GPR151: variants seen among roughly 807,000 people sequenced by gnomAD.
The protein encoded by GPR151 is G-protein coupled receptor PGR7.
A neutral mutation model predicts 18.2 loss-of-function variants in GPR151; 16 were observed. The ratio of observed to expected loss-of-function variants is 0.88; its 90% CI spans 0.60 to 1.34. The LOEUF is 1.34. Among genes scored for constraint, GPR151 ranks in the 40% most tolerant of loss-of-function variants. The pLI is 0.00. For missense variants in GPR151, 509 were observed against 504.3 expected, an observed-to-expected ratio of 1.01 and a Z score of -0.09; for synonymous variants, 202 against 191.2, an observed-to-expected ratio of 1.06 and a Z score of -0.47.
At position 146,515,893 on chromosome 5, in the gene GPR151, T is replaced by G. The variant is rs200056488; in HGVS notation, c.221A>C (p.His74Pro). The G allele has an allele frequency of 8.6e-4, 1,382 of 1,612,904 alleles. 31 individuals carry two copies. In the South Asian group the frequency reaches 0.014, roughly 17 times the overall value. ...NAWKGKPSMI[H>P]SLILNLSLAD... is the part of the protein sequence containing the mutation. ...CAGGCTGAGATTCAGAATCAGGGAG[T>G]GGATCATGGATGGCTTTCCTTTCCA... Residue 74 changes from histidine to proline, a missense_variant, in exon 1 of 1, where the codon CAC becomes CCC. By Grantham distance (77) the His-to-Pro change is moderately conservative. Transcript: ENST00000311104.
rs750868177 is a variant in GPR151, at chr5:146,515,016, G to A, written c.1098C>T (p.Ser366=). 8.2e-5 allele frequency: 132 copies of A among 1,614,078 alleles called. No individual in the cohort carries two copies. The highest frequency in any genetic ancestry group is 4.5e-5 in the East Asian group (2 of 44,896). The change falls in exon 1 of 1, where the codon AGC becomes AGT. Residue 366 remains serine, a synonymous_variant. Coordinates refer to ENST00000311104, the MANE Select transcript of GPR151 (RefSeq NM_194251.3). ...PASIPEKEKP[S]SPSSGKGKTE... ...TTTTCCCTTTGCCAGAGGAGGGAGA[G>A]CTGGGTTTCTCTTTTTCTGGTATGG...
Position 146,513,888 on chromosome 5 carries a change from G to C in GPR151, c.*966C>G, listed in dbSNP as rs542241646. The stretch of plus-strand genomic sequence containing the variant: ...TTCAAGTTCAATGTTCTGAGTAAGG[G>C]TAAGTTTAGTACCATTAACAAGAAA... On this transcript the variant is annotated 3_prime_UTR_variant, in exon 1 of 1. Transcript: ENST00000311104. The C allele has an allele frequency of 2.6e-5, 4 of 152,236 alleles. No homozygotes were observed. The highest frequency in any genetic ancestry group is 2.6e-4 in the Admixed American group (4 of 15,294). The allele number at this position is 152,236 out of a possible 1,614,324, so 9.4% of individuals were successfully genotyped here.
In GPR151 at chr5:146,515,549, C is replaced by T. The variant is rs183701313; in HGVS notation, c.565G>A (p.Val189Met). 2.5e-5 allele frequency: 40 copies of T among 1,614,186 alleles called. No homozygotes were observed. The highest frequency in any genetic ancestry group is 1.0e-4 in the Admixed American group (6 of 60,028). The change falls in exon 1 of 1, where the codon GTG (valine) becomes ATG (methionine). Residue 189 changes from valine to methionine, a missense_variant. Val to Met is a conservative substitution (Grantham distance 21, BLOSUM62 1). Coordinates refer to ENST00000311104, the MANE Select transcript of GPR151 (RefSeq NM_194251.3). ...RHHEGVEMCL[V>M]DVPAVAEEFM... ...TCTTCAGCCACAGCTGGTACATCCA[C>T]GAGGCACATTTCCACACCTTCATGA...
chr5:146,515,436 A>T lies in GPR151; in HGVS notation c.678T>A (p.Tyr226Ter), dbSNP rs1238255982. The change falls in exon 1 of 1, where the codon TAT (tyrosine) becomes TAA (stop). Residue 226 changes from tyrosine (Y) to a stop codon, truncating the protein, a stop_gained. Transcript: ENST00000311104. LOFTEE classifies it high-confidence loss of function. ...TAGTTCCTCGTTTTTTACATTGGTC[A>T]TAAGCTCTCCAGAAATAAAAGCTGG... The part of the protein sequence containing the change: ...FFASFYFWRA[Y>*]DQCKKRGTKT... 4.3e-6 allele frequency: 7 copies of T among 1,614,058 alleles called. No homozygotes were observed. The highest frequency in any genetic ancestry group is 1.7e-5 in the Admixed American group (1 of 60,000).
chr5:146,515,626 G>C lies in GPR151; in HGVS notation c.488C>G (p.Thr163Ser). The change falls in exon 1 of 1, where the codon ACT (threonine) becomes AGT (serine). Residue 163 changes from threonine (T) to serine (S), a missense_variant. Thr to Ser is a moderately conservative substitution (Grantham distance 58). Coordinates refer to ENST00000311104, the MANE Select transcript of GPR151 (RefSeq NM_194251.3). ...TIWSVLVAIWTVASLLPLPEW... is the reference protein window; with the variant it reads ...TIWSVLVAIWSVASLLPLPEW... ...CGGCAGGGGTAACAGGCTAGCCACA[G>C]TCCAGATGGCCACCAGCACTGACCA... is the stretch of plus-strand genomic sequence containing the variant. The C allele has an allele frequency of 6.2e-7, 1 of 1,614,200 alleles. No homozygotes were observed. The highest frequency in any genetic ancestry group is 8.5e-7 in the Non-Finnish European group (1 of 1,180,038).
At position 146,515,343 on chromosome 5, in the gene GPR151, G is replaced by A. The variant is rs1247908524; in HGVS notation, c.771C>T (p.Ile257=). The change falls in exon 1 of 1, where the codon ATC becomes ATT. Residue 257 remains isoleucine, a synonymous_variant. Coordinates refer to ENST00000311104, the MANE Select transcript of GPR151 (RefSeq NM_194251.3). ...QVTVMLLSIA[I]ISALLWLPEW... ...CGGGGAGCCACAAGAGAGCAGAGAT[G>A]ATGGCAATGCTCAGCAGCATCACTG... 4 of 1,614,212 alleles carry A rather than the reference G, an allele frequency of 2.5e-6. No homozygotes were observed. Among genetic ancestry groups the A allele is most frequent in the South Asian group, 2.2e-5 (2 of 91,088 alleles).
Position 146,516,076 on chromosome 5 carries a change from C to G in GPR151, c.38G>C (p.Ser13Thr). The change falls in exon 1 of 1, where the codon AGC becomes ACC. Residue 13 changes from serine to threonine, a missense_variant. Coordinates refer to ENST00000311104, the MANE Select transcript of GPR151 (RefSeq NM_194251.3). ...GAGGTGAGCAAAGGACACATTCATG[C>G]TGCTGGAGTTAGAGTCTGCAAAGGC... ...AAAFADSNSS[S>T]MNVSFAHLHF... The G allele has an allele frequency of 1.5e-5, 25 of 1,613,762 alleles. No homozygotes were observed. Among genetic ancestry groups the G allele is most frequent in the Non-Finnish European group, 2.0e-5 (24 of 1,179,904 alleles).
rs1315405289 is a variant in GPR151 at position 146,515,081 on chromosome 5, C to G, written c.1033G>C (p.Gly345Arg). 1.2e-6 allele frequency: 2 copies of G among 1,614,138 alleles called. No homozygotes were observed. The highest frequency in any genetic ancestry group is 1.7e-6 in the Non-Finnish European group (2 of 1,180,016). The part of the protein sequence containing the change: ...SQETPAGNSE[G>R]LPDKVPSPES... ...GGAGATGGAACCTTGTCAGGAAGACCCTCTGAGTTGCCAGCTGGTGTTTCC... is the reference window on the plus strand; with the variant it reads ...GGAGATGGAACCTTGTCAGGAAGACGCTCTGAGTTGCCAGCTGGTGTTTCC... The change falls in exon 1 of 1, where the codon GGT becomes CGT. Residue 345 changes from glycine to arginine, a missense_variant. Gly to Arg is a moderately radical substitution (Grantham distance 125). Transcript: ENST00000311104.
chr5:146,514,844 A>C lies in GPR151; in HGVS notation c.*10T>G. 1.3e-6 allele frequency: 2 copies of C among 1,547,920 alleles called. No individual in the cohort carries two copies. The highest frequency in any genetic ancestry group is 1.7e-6 in the Non-Finnish European group (2 of 1,146,276). Reference sequence around the variant, plus strand: ...AATAATCACAGTTTGTTTTGCTTTGAAACTTAAATCTATTTAACACCTTCC... The same window carrying C: ...AATAATCACAGTTTGTTTTGCTTTGCAACTTAAATCTATTTAACACCTTCC... On this transcript the variant is annotated 3_prime_UTR_variant, in exon 1 of 1. Transcript: ENST00000311104.
Position 146,514,930 on chromosome 5 carries a change from G to T in GPR151, c.1184C>A (p.Thr395Lys). Residue 395 changes from threonine (T) to lysine (K), a missense_variant, in exon 1 of 1, where the codon ACA becomes AAA. Coordinates refer to ENST00000311104, the MANE Select transcript of GPR151 (RefSeq NM_194251.3). ...GTCATTGTCCTGTACAGAAGGGACT[G>T]TGTCCCTCTCATGCCAAAACTGCTC... The part of the protein sequence containing the change: ...DVEQFWHERD[T>K]VPSVQDNDPI... 6.2e-7 allele frequency: 1 copy of T among 1,610,460 alleles called. No homozygotes were observed. Among genetic ancestry groups the T allele is most frequent in the Non-Finnish European group, 8.5e-7 (1 of 1,176,616 alleles).
rs147596778 is a variant in GPR151, at chr5:146,515,093, C to G, written c.1021G>C (p.Gly341Arg). The G allele has an allele frequency of 6.2e-7, 1 of 1,614,038 alleles. No individual in the cohort carries two copies. Among genetic ancestry groups the G allele is most frequent in the African/African-American group, 1.3e-5 (1 of 74,906 alleles). The change falls in exon 1 of 1, where the codon GGC becomes CGC. Residue 341 changes from glycine (G) to arginine (R), a missense_variant. Gly to Arg is a moderately radical substitution (Grantham distance 125). Transcript: ENST00000311104. ...TTGTCAGGAAGACCCTCTGAGTTGC[C>G]AGCTGGTGTTTCCTGAGACTCTGAG... Reference protein sequence around the residue: ...TVSESQETPAGNSEGLPDKVP... With the variant: ...TVSESQETPARNSEGLPDKVP...
rs1200128602 is a variant in GPR151 at position 146,513,318 on chromosome 5, A to G, written c.*1536T>C. The G allele has an allele frequency of 6.6e-6, 1 of 152,222 alleles. No homozygotes were observed. Among genetic ancestry groups the G allele is most frequent in the Non-Finnish European group, 1.5e-5 (1 of 68,036 alleles). 9.4% of individuals were successfully genotyped at this position (152,222 alleles called of 1,614,324 possible). ...TACTTTATTTGAATACATGAGCTTC[A>G]AATAAAATTTGTAATGAAGGATGTA... On this transcript the variant is annotated 3_prime_UTR_variant, in exon 1 of 1. Transcript: ENST00000311104.
chr5:146,515,137 G>T lies in GPR151; in HGVS notation c.977C>A (p.Thr326Asn), dbSNP rs1768583935. ...GLKGVWKWMI[T>N]KKPPTVSESQ... ...CTCTGAGACAGTTGGAGGTTTTTTG[G>T]TTATCATCCATTTCCATACACCTTT... Residue 326 changes from threonine to asparagine, a missense_variant, in exon 1 of 1, where the codon ACC becomes AAC. By Grantham distance (65) the Thr-to-Asn change is moderately conservative (BLOSUM62 0). Transcript: ENST00000311104. 6.2e-7 allele frequency: 1 copy of T among 1,614,018 alleles called. No homozygotes were observed. Among genetic ancestry groups the T allele is most frequent in the Non-Finnish European group, 8.5e-7 (1 of 1,179,976 alleles).
Position 146,513,874 on chromosome 5 carries a change from T to C in GPR151, c.*980A>G, listed in dbSNP as rs1388079176. Reference sequence around the variant, plus strand: ...AAAGTTGAGTAGGGTTCAAGTTCAATGTTCTGAGTAAGGGTAAGTTTAGTA... The same window carrying C: ...AAAGTTGAGTAGGGTTCAAGTTCAACGTTCTGAGTAAGGGTAAGTTTAGTA... On this transcript the variant is annotated 3_prime_UTR_variant, in exon 1 of 1. Coordinates refer to ENST00000311104, the MANE Select transcript of GPR151 (RefSeq NM_194251.3). 1 of 152,232 alleles carries C rather than the reference T, an allele frequency of 6.6e-6. No individual in the cohort carries two copies. The highest frequency in any genetic ancestry group is 2.4e-5 in the African/African-American group (1 of 41,468). The allele number at this position is 152,232 out of a possible 1,614,324, so 9.4% of individuals were successfully genotyped here.
chr5:146,515,667 G>A lies in GPR151; in HGVS notation c.447C>T (p.Ile149=), dbSNP rs1234836826. Reference sequence around the variant, plus strand: ...GCACTGACCAGATGGTGTAGTTGTGGATACTCACTTGCTTGGCTGGGTCAC... The same window carrying A: ...GCACTGACCAGATGGTGTAGTTGTGAATACTCACTTGCTTGGCTGGGTCAC... ...YASDPAKQVS[I]HNYTIWSVLV... is the part of the protein sequence containing the mutation. The change falls in exon 1 of 1, where the codon ATC becomes ATT. Residue 149 remains isoleucine (I), a synonymous_variant. Transcript: ENST00000311104. 6.2e-7 allele frequency: 1 copy of A among 1,614,148 alleles called. No homozygotes were observed. Among genetic ancestry groups the A allele is most frequent in the South Asian group, 1.1e-5 (1 of 91,078 alleles).
At position 146,515,739 on chromosome 5, in the gene GPR151, CT is replaced by C. The variant is rs1768604945; in HGVS notation, c.374del (p.Lys125ArgfsTer3). The C allele has an allele frequency of 6.2e-7, 1 of 1,614,114 alleles. No individual in the cohort carries two copies. The highest frequency in any genetic ancestry group is 1.7e-5 in the Admixed American group (1 of 60,008). The part of the protein sequence containing the change: ...DWFIHTCMAA[K>X]SLTIVVVAKV... ...TGGCCACCACAACGATTGTCAGGCT[CT>C]TGGCTGCCATGCATGTGTGGATAAA... On this transcript the variant is annotated frameshift_variant, in exon 1 of 1. Transcript: ENST00000311104. LOFTEE classifies it high-confidence loss of function.
Position 146,515,508 on chromosome 5 carries a change from A to G in GPR151, c.606T>C (p.Phe202=). ...ATGCCAGGAGTGGGTAGAGCTTACCAAACATCGACATAAACTCTTCAGCCA... is the reference window on the plus strand; with the variant it reads ...ATGCCAGGAGTGGGTAGAGCTTACCGAACATCGACATAAACTCTTCAGCCA... ...PAVAEEFMSM[F]GKLYPLLAFG... The change falls in exon 1 of 1, where the codon TTT becomes TTC. Residue 202 remains phenylalanine (F), a synonymous_variant. Coordinates refer to ENST00000311104, the MANE Select transcript of GPR151 (RefSeq NM_194251.3). The G allele has an allele frequency of 6.2e-7, 1 of 1,614,206 alleles. No individual in the cohort carries two copies. The highest frequency in any genetic ancestry group is 1.1e-5 in the South Asian group (1 of 91,080).
At position 146,515,646 on chromosome 5, in the gene GPR151, T is replaced by A; in HGVS notation, c.468A>T (p.Ser156=). ...CCACAGTCCAGATGGCCACCAGCAC[T>A]GACCAGATGGTGTAGTTGTGGATAC... The part of the protein sequence containing the change: ...QVSIHNYTIW[S]VLVAIWTVAS... Residue 156 remains serine (S), a synonymous_variant, in exon 1 of 1, where the codon TCA becomes TCT. Transcript: ENST00000311104. 6.2e-7 allele frequency: 1 copy of A among 1,614,180 alleles called. No individual in the cohort carries two copies.
rs924643136 is a variant in GPR151, at chr5:146,513,452, T to A, written c.*1402A>T. On this transcript the variant is annotated 3_prime_UTR_variant, in exon 1 of 1. Coordinates refer to ENST00000311104, the MANE Select transcript of GPR151 (RefSeq NM_194251.3). ...AAAAAGCAAAATCTTTTTTTTTCCA[T>A]AACATATCCTTTATATTTCAGATTC... 7 of 152,196 alleles carry A rather than the reference T, an allele frequency of 4.6e-5. No homozygotes were observed. The highest frequency in any genetic ancestry group is 7.4e-5 in the Non-Finnish European group (5 of 68,024). The allele number at this position is 152,196 out of a possible 1,614,324, so 9.4% of individuals were successfully genotyped here. A position where few individuals can be genotyped will look rare whatever the true frequency, so the allele number is the denominator to read the frequency against.
Sources: allele counts gnomAD v4.1 joint callset, GRCh38; gene constraint gnomAD v4.1.1; transcripts MANE v1.5; gene names NCBI Gene and HGNC (gene_info 2026-07-23, HGNC 2026-07-21).